Variants in TRMT10B observed in about 807,000 individuals in gnomAD.
TRMT10B encodes tRNA methyltransferase 10 homolog B.
A neutral mutation model predicts 43.8 loss-of-function variants in TRMT10B; 33 were observed. That is an observed-to-expected ratio of 0.75 (90% CI 0.57 to 1.01). TRMT10B has a LOEUF of 1.01. TRMT10B is among the 50% of genes least tolerant of loss of function. The probability of loss-of-function intolerance (pLI) is 0.00; values close to 1 mark genes in which losing one functional copy is unlikely to be tolerated. For missense variants in TRMT10B, 362 were observed against 369.8 expected (o/e 0.98, Z 0.17); for synonymous variants, 137 against 130.6 (o/e 1.05, Z -0.34).
intron 5 of TRMT10B, chr9:37,769,611 G>T: frequency 8.3e-6 from 2 of 241,610 alleles, no homozygotes; most frequent in Non-Finnish European, 1.6e-5. Flanking sequence ...GTTGAATTTT[G>T]AGCGGGGTTT....
intron 7 of TRMT10B, 59 bp from the exon 8 acceptor site, chr9:37,776,223 A>G: frequency 2.9e-5 from 39 of 1,326,882 alleles, no homozygotes; most frequent in Non-Finnish European, 3.9e-5. Flanking sequence ...GCTGTATTAC[A>G]TTGAGAATAT....
intron 2 of TRMT10B, among the ~76,000 whole-genome samples, 183 bp downstream of exon 2, chr9:37,762,300 A>G (rs912683422): frequency 1.3e-5 from 2 of 152,232 alleles, no homozygotes; most frequent in Non-Finnish European, 2.9e-5. Context: ...GAAAAGTTCA[A>G]AAGGAATTTT....
At chr9:37,756,875 CACAT>C (rs1201709788) in intron 1 of TRMT10B, among the ~76,000 whole-genome samples, 1 of 151,912 alleles carries the variant, frequency 6.6e-6, no homozygotes. Flanking sequence ...TATACATACA[CACAT>C]ATATACATAT....
At position 37,755,421 on chromosome 9, in the gene TRMT10B, G is replaced by A. The variant is rs561388213; in HGVS notation, c.-30+1569G>A. 5.9e-5 allele frequency among the ~76,000 whole-genome samples: 9 copies of A among 152,096 alleles called. No homozygotes were observed. The East Asian group carries it at 1.5e-3, about 26-fold the overall frequency. ...AAATGGTTAAAATGGTAGTTCCTAT[G>A]TCCAAAAAAAAATGCTAAATTTGGG... On this transcript the variant is annotated intron_variant, in intron 1 of 8. Transcript: ENST00000297994.
At chr9:37,753,614 G>A (rs1326321823), upstream of TRMT10B, among the ~76,000 whole-genome samples, 2 of 152,130 alleles carry the variant, frequency 1.3e-5, no homozygotes, top group Non-Finnish European at 2.9e-5. Context: ...TCCAGCAGAC[G>A]GGGAGACAGG....
At position 37,763,637 on chromosome 9, in the gene TRMT10B, C is replaced by CTGG; in HGVS notation, c.304_305insTGG (p.Pro102delinsLeuAla). The stretch of plus-strand genomic sequence containing the variant: ...TGATATTTCTGCTTTAGGCATTTGC[C>CTGG]CCCAGCACAGCAAACGTTTCCTGAG... On this transcript the variant is annotated protein_altering_variant, in exon 4 of 9. Coordinates refer to ENST00000297994, the MANE Select transcript of TRMT10B (RefSeq NM_144964.4). The CTGG allele has an allele frequency of 6.2e-7, 1 of 1,613,932 alleles. No homozygotes were observed. The highest frequency in any genetic ancestry group is 8.5e-7 in the Non-Finnish European group (1 of 1,179,922).
At chr9:37,774,177 T>G (rs1246491669) in intron 7 of TRMT10B, among the ~76,000 whole-genome samples, 1 of 152,084 alleles carries the variant, frequency 6.6e-6, no homozygotes, top group South Asian at 2.1e-4. Context: ...GCCCAGCTAA[T>G]TTTTTGTTGA....
At chr9:37,777,536 C>CT in intron 8 of TRMT10B, 65 bp from the exon 9 acceptor site, 2 of 1,323,382 alleles carry the variant, frequency 1.5e-6, no homozygotes, top group East Asian at 4.6e-5. Flanking sequence ...ACAGAACATC[C>CT]TTTTCATTTA....
At chr9:37,753,479 G>A (rs1020536026), upstream of TRMT10B, among the ~76,000 whole-genome samples, 1 of 151,886 alleles carries the variant, frequency 6.6e-6, no homozygotes, top group African/African-American at 2.4e-5. Context: ...CCATTCAGTC[G>A]GGTGCGGGCC....
chr9:37,767,752 A>C (rs1003945829), intron 4 of TRMT10B, among the ~76,000 whole-genome samples: 3 of 152,156 alleles, frequency 2.0e-5, no homozygotes, highest in East Asian at 3.8e-4. Flanking sequence ...ATGTATATTA[A>C]TGAAACCTCT....
chr9:37,754,425 C>T (rs1041884165), intron 1 of TRMT10B, among the ~76,000 whole-genome samples: 2 of 152,054 alleles, frequency 1.3e-5, no homozygotes, highest in African/African-American at 4.8e-5. Flanking sequence ...GCAGAGGAAA[C>T]GAGAAAGGTA....
At position 37,770,719 on chromosome 9, in the gene TRMT10B, G is replaced by C; in HGVS notation, c.700G>C (p.Val234Leu). ...LNKVYILGGL[V>L]DESIQKKVTF... is the part of the protein sequence containing the mutation. Reference sequence around the variant, plus strand: ...CAAAGTTTACATCCTCGGTGGGCTTGTGGATGAAAGCATTCAGAAGGTAAG... The same window carrying C: ...CAAAGTTTACATCCTCGGTGGGCTTCTGGATGAAAGCATTCAGAAGGTAAG... The change falls in exon 7 of 9, where the codon GTG becomes CTG. Residue 234 changes from valine (V) to leucine (L), a missense_variant. Coordinates refer to ENST00000297994, the MANE Select transcript of TRMT10B (RefSeq NM_144964.4). The C allele has an allele frequency of 6.2e-7, 1 of 1,613,878 alleles. No homozygotes were observed. Among genetic ancestry groups the C allele is most frequent in the South Asian group, 1.1e-5 (1 of 91,024 alleles).
chr9:37,756,830 G>A (rs936244843), intron 1 of TRMT10B, among the ~76,000 whole-genome samples: 4 of 151,064 alleles, frequency 2.6e-5, no homozygotes, highest in Admixed American at 6.6e-5. Flanking sequence ...GTGTGTATGC[G>A]TGTGTATGTA....
At chr9:37,775,188 G>C (rs147100670) in intron 7 of TRMT10B, among the ~76,000 whole-genome samples, 29 of 152,330 alleles carry the variant, frequency 1.9e-4, no homozygotes, top group Admixed American at 9.1e-4. Flanking sequence ...CACAAGAGCT[G>C]TCCATTGAGT....
intron 1 of TRMT10B, among the ~76,000 whole-genome samples, chr9:37,760,237 G>GT (rs1826180421): frequency 6.6e-6 from 1 of 152,214 alleles, no homozygotes; most frequent in African/African-American, 2.4e-5. Context: ...CAGGAGAATT[G>GT]TTTGAACCTG....
At chr9:37,758,301 A>T (rs997509862) in intron 1 of TRMT10B, among the ~76,000 whole-genome samples, 3 of 152,114 alleles carry the variant, frequency 2.0e-5, no homozygotes, top group Non-Finnish European at 4.4e-5. Flanking sequence ...AGTCCCAGCT[A>T]CTCATGAGGC....
At chr9:37,777,140 G>GCTGAGAT (rs1828244508) in intron 8 of TRMT10B, among the ~76,000 whole-genome samples, 1 of 132,016 alleles carries the variant, frequency 7.6e-6, no homozygotes, top group Non-Finnish European at 1.6e-5. Context: ...GTTGCGGTGA[G>GCTGAGAT]CTGAGATCGT....
chr9:37,775,112 GAATTTCCTATC>G (rs1381896709), intron 7 of TRMT10B, among the ~76,000 whole-genome samples: 1 of 152,228 alleles, frequency 6.6e-6, no homozygotes, highest in Non-Finnish European at 1.5e-5. Context: ...AGATCAAGAA[GAATTTCCTATC>G]AGCTGGTACT....
chr9:37,753,584 G>C (rs535381151), upstream of TRMT10B, among the ~76,000 whole-genome samples: 1 of 152,180 alleles, frequency 6.6e-6, no homozygotes, highest in Non-Finnish European at 1.5e-5. Context: ...GTTGGTAAAG[G>C]GTTGGGGTTG....
Sources: gnomAD v4.1 joint callset for allele counts (sites outside exome capture counted in the v4.1 genomes callset) on GRCh38, gnomAD v4.1.1 for gene constraint, MANE v1.5 for transcripts, NCBI Gene and HGNC (gene_info 2026-07-23, HGNC 2026-07-21) for gene names.